AIMP1: variants seen among roughly 807,000 people sequenced by gnomAD.
AIMP1 encodes aminoacyl tRNA synthetase complex interacting multifunctional protein 1.
Under a neutral mutation model 33.1 loss-of-function variants are expected in AIMP1, and 24 were observed. The ratio of observed to expected loss-of-function variants is 0.73; its 90% confidence interval spans 0.53 to 1.02. AIMP1 has a LOEUF of 1.02. Ranked by LOEUF, AIMP1 falls within the 50% of genes least tolerant of loss-of-function variation. The pLI is 0.00. For missense variants in AIMP1, 367 were observed against 364.8 expected (o/e 1.01, Z -0.05); for synonymous variants, 120 against 121.5 (o/e 0.99, Z 0.08).
rs190859723 is a variant in AIMP1, at chr4:106,348,503, A to G, written c.*811A>G. On this transcript the variant is annotated 3_prime_UTR_variant, in exon 7 of 7. Coordinates refer to ENST00000672341, the MANE Select transcript of AIMP1 (RefSeq NM_001142416.2). Reference sequence around the variant, plus strand: ...ATAATTTATATCTTATTACAGACTGATATTTTGCTTTTTCATGTGTCATCA... The same window carrying G: ...ATAATTTATATCTTATTACAGACTGGTATTTTGCTTTTTCATGTGTCATCA... 1.3e-5 allele frequency: 2 copies of G among 151,954 alleles called. No individual in the cohort carries two copies. The highest frequency in any genetic ancestry group is 3.9e-4 in the East Asian group (2 of 5,162). The allele number at this position is 151,954 out of a possible 1,614,324, so 9.4% of individuals were successfully genotyped here.
chr4:106,344,400 C>G (rs770282689), intron 6 of AIMP1, among the ~76,000 whole-genome samples: 1 of 152,156 alleles, frequency 6.6e-6, no homozygotes, highest in Admixed American at 6.5e-5. Context: ...TTTCCATCCT[C>G]CTAGTTGCTT....
intron 6 of AIMP1, among the ~76,000 whole-genome samples, chr4:106,337,545 T>G (rs3133169): frequency 0.42 from 63,668 of 151,994 alleles, 13,767 homozygotes; most frequent in African/African-American, 0.52. Flanking sequence ...GTGGAACTGT[T>G]GGTCAATTAA....
chr4:106,338,525 G>A (rs1003235759), intron 6 of AIMP1, among the ~76,000 whole-genome samples: 1 of 152,224 alleles, frequency 6.6e-6, no homozygotes, highest in Non-Finnish European at 1.5e-5. Context: ...ACATGGTGTT[G>A]AGCCTGCAGA....
chr4:106,331,584 C>A, intron 4 of AIMP1, 88 bp from the exon 5 acceptor site: 2 of 1,137,604 alleles, frequency 1.8e-6, no homozygotes, highest in Non-Finnish European at 2.7e-6. Flanking sequence ...TCCTTTTAAG[C>A]TCATTGGTAT....
At chr4:106,345,844 AAAATAT>A (rs1202596228) in intron 6 of AIMP1, among the ~76,000 whole-genome samples, 3 of 148,596 alleles carry the variant, frequency 2.0e-5, no homozygotes, top group African/African-American at 7.3e-5. Flanking sequence ...ATCAGAATAT[AAAATAT>A]AAATATAAAA....
chr4:106,327,417 A>C, intron 2 of AIMP1, 34 bp from the exon 3 acceptor site: 4 of 1,509,092 alleles, frequency 2.7e-6, no homozygotes, highest in Middle Eastern at 1.9e-4. Context: ...ACCTCTTTTA[A>C]AAACATATTT....
chr4:106,316,369 T>C (rs972539478), upstream of AIMP1: 18 of 608,580 alleles, frequency 3.0e-5, no homozygotes, highest in Middle Eastern at 2.6e-4. Context: ...GGGGGGTCGA[T>C]TGAAAATACT....
At chr4:106,336,832 G>A (rs773647903) in intron 5 of AIMP1, 37 bp from the exon 6 acceptor site, 45 of 1,588,630 alleles carry the variant, frequency 2.8e-5, no homozygotes, top group Non-Finnish European at 3.7e-5. Flanking sequence ...GGCTTAATCT[G>A]TGTACATCTT....
At chr4:106,331,043 C>T (rs1769654448) in intron 4 of AIMP1, among the ~76,000 whole-genome samples, 1 of 151,948 alleles carries the variant, frequency 6.6e-6, no homozygotes, top group South Asian at 2.1e-4. Flanking sequence ...CCCTAAAATC[C>T]TAATATATCT....
intron 2 of AIMP1, among the ~76,000 whole-genome samples, chr4:106,326,014 A>G (rs907425468): frequency 6.6e-6 from 1 of 152,136 alleles, no homozygotes; most frequent in African/African-American, 2.4e-5. Flanking sequence ...CAAGAATGCA[A>G]TAGGTACAAT....
chr4:106,317,599 T>C (rs1010249908), intron 1 of AIMP1, among the ~76,000 whole-genome samples: 3 of 152,190 alleles, frequency 2.0e-5, no homozygotes, highest in African/African-American at 7.2e-5. Flanking sequence ...AGTTATATTC[T>C]TGATGCACTT....
chr4:106,347,508 T>A lies in AIMP1; in HGVS notation c.773-18T>A. On this transcript the variant is annotated intron_variant, in intron 6 of 6. Coordinates refer to ENST00000672341, the MANE Select transcript of AIMP1 (RefSeq NM_001142416.2). Reference sequence around the variant, plus strand: ...TATTAGCTGTGTAATTTTCTTGTGCTTTTTTTCTCCTACACAGGAGAGCCT... The same window carrying A: ...TATTAGCTGTGTAATTTTCTTGTGCATTTTTTCTCCTACACAGGAGAGCCT... 1.2e-6 allele frequency: 2 copies of A among 1,603,052 alleles called. No individual in the cohort carries two copies. Among genetic ancestry groups the A allele is most frequent in the Non-Finnish European group, 1.7e-6 (2 of 1,174,506 alleles).
upstream of AIMP1, chr4:106,316,331 C>G (rs72878559): frequency 3.6e-6 from 2 of 559,164 alleles, no homozygotes; most frequent in Non-Finnish European, 6.5e-6. Context: ...GGACATATAG[C>G]GAGAGAGAAA....
chr4:106,330,203 G>C (rs1475163418), intron 4 of AIMP1, among the ~76,000 whole-genome samples: 2 of 152,096 alleles, frequency 1.3e-5, no homozygotes, highest in East Asian at 3.8e-4. Flanking sequence ...TTTCTAGAAT[G>C]GGGATTCCTG....
At chr4:106,330,955 CAAAT>C (rs1224936837) in intron 4 of AIMP1, among the ~76,000 whole-genome samples, 3 of 152,098 alleles carry the variant, frequency 2.0e-5, no homozygotes, top group East Asian at 3.9e-4. Context: ...ACATTTTCAG[CAAAT>C]AAATAAAAAT....
chr4:106,330,034 C>T (rs545672145), intron 4 of AIMP1, among the ~76,000 whole-genome samples: 1 of 152,172 alleles, frequency 6.6e-6, no homozygotes, highest in African/African-American at 2.4e-5. Flanking sequence ...CCACCTGCCT[C>T]AGCCTCCCAA....
chr4:106,316,686 C>T, intron 1 of AIMP1, 92 bp downstream of exon 1: 2 of 1,295,140 alleles, frequency 1.5e-6, no homozygotes, highest in Non-Finnish European at 2.1e-6. Flanking sequence ...GGAGAGAGGA[C>T]CTGGCCTGCG....
At position 106,325,039 on chromosome 4, in the gene AIMP1, A is replaced by G; in HGVS notation, c.30A>G (p.Arg10=). 1 of 1,612,598 alleles carries G rather than the reference A, an allele frequency of 6.2e-7. No individual in the cohort carries two copies. Among genetic ancestry groups the G allele is most frequent in the Non-Finnish European group, 8.5e-7 (1 of 1,179,116 alleles). The change falls in exon 2 of 7, where the codon AGA becomes AGG. Residue 10 remains arginine, a synonymous_variant. Coordinates refer to ENST00000672341, the MANE Select transcript of AIMP1 (RefSeq NM_001142416.2). MANNDAVLK[R]LEQKGAEADQ... is the part of the protein sequence containing the mutation. ...CAAATAATGATGCTGTTCTGAAGAGACTGGAGCAGAAGGGTGCAGAGGCAG... is the reference window on the plus strand; with the variant it reads ...CAAATAATGATGCTGTTCTGAAGAGGCTGGAGCAGAAGGGTGCAGAGGCAG...
At chr4:106,341,195 T>C (rs1770085959) in intron 6 of AIMP1, among the ~76,000 whole-genome samples, 1 of 152,150 alleles carries the variant, frequency 6.6e-6, no homozygotes, top group African/African-American at 2.4e-5. Context: ...TTCCCATTCT[T>C]TAGGCTGTCT....
Sources: gnomAD v4.1 joint callset for allele counts (sites outside exome capture counted in the v4.1 genomes callset) on GRCh38, gnomAD v4.1.1 for gene constraint, MANE v1.5 for transcripts, NCBI Gene and HGNC (gene_info 2026-07-23, HGNC 2026-07-21) for gene names.